CFH: variants seen among roughly 807,000 people sequenced by gnomAD.
CFH encodes the protein complement factor H.
Under a neutral mutation model 147.3 loss-of-function variants are expected in CFH, and 53 were observed. The observed-to-expected ratio is 0.36, with a 90% CI of 0.29 to 0.45. The LOEUF (loss-of-function observed/expected upper bound fraction) is 0.45, where lower values mean the gene tolerates loss of function less well. CFH is among the 20% of genes least tolerant of loss of function. The pLI, the probability that CFH is intolerant of heterozygous loss-of-function variation, is 1.00. For missense variants in CFH, 1,380 were observed against 1,498.0 expected, an observed-to-expected ratio of 0.92 and a Z score of 1.30; for synonymous variants, 536 against 489.4, an observed-to-expected ratio of 1.10 and a Z score of -1.26.
At position 196,713,822 on chromosome 1, in the gene CFH, A is replaced by T; in HGVS notation, c.1424A>T (p.Tyr475Phe). ...TATGCCTTAAAAGAAAAAGCGAAAT[A>T]TCAATGCAAACTAGGATATGTAACA... The part of the protein sequence containing the change: ...YTYALKEKAK[Y>F]QCKLGYVTAD... Residue 475 changes from tyrosine to phenylalanine, a missense_variant, in exon 10 of 22, where the codon TAT (tyrosine) becomes TTT (phenylalanine). By Grantham distance (22) the Tyr-to-Phe change is conservative (BLOSUM62 3). Coordinates refer to ENST00000367429, the MANE Select transcript of CFH (RefSeq NM_000186.4). The T allele has an allele frequency of 2.5e-6, 4 of 1,612,270 alleles. 1 individual carries two copies. In the South Asian group the frequency reaches 4.4e-5, roughly 18 times the overall value.
At chr1:196,706,325 C>T (rs1668587582) in intron 9 of CFH, among the ~76,000 whole-genome samples, 1 of 152,004 alleles carries the variant, frequency 6.6e-6, no homozygotes, top group Non-Finnish European at 1.5e-5. Context: ...CTTAGCCTGA[C>T]TAAAGGCAGT....
chr1:196,725,386 C>T, intron 12 of CFH, 89 bp downstream of exon 12: 2 of 1,250,188 alleles, frequency 1.6e-6, no homozygotes, highest in Non-Finnish European at 1.2e-6. Flanking sequence ...GCTCCCATTG[C>T]CTGTAATCTA....
chr1:196,723,299 G>A (rs1187691559), intron 11 of CFH, among the ~76,000 whole-genome samples: 1 of 152,012 alleles, frequency 6.6e-6, no homozygotes, highest in Non-Finnish European at 1.5e-5. Context: ...ATTTGGTTTA[G>A]GTTCTGGGTT....
At chr1:196,675,295 C>T (rs1417694937) in intron 3 of CFH, among the ~76,000 whole-genome samples, 1 of 152,104 alleles carries the variant, frequency 6.6e-6, no homozygotes, top group African/African-American at 2.4e-5. Flanking sequence ...ACTAAAATTA[C>T]TTAAGTTCAA....
chr1:196,677,367 T>G (rs1667490976), intron 4 of CFH, 109 bp from the exon 5 acceptor site: 1 of 1,002,568 alleles, frequency 1.0e-6, no homozygotes, highest in Non-Finnish European at 1.5e-6. Flanking sequence ...TAAAAATAAT[T>G]TAAGTAATTT....
At chr1:196,721,242 A>G (rs115229736) in intron 11 of CFH, among the ~76,000 whole-genome samples, 1,999 of 151,528 alleles carry the variant, frequency 0.013, 47 homozygotes, top group African/African-American at 0.046. Flanking sequence ...ATTTTCTTCC[A>G]TTCTGAGGTT....
intron 21 of CFH, among the ~76,000 whole-genome samples, chr1:196,746,395 G>A (rs1414646614): frequency 2.0e-5 from 3 of 152,330 alleles, no homozygotes; most frequent in East Asian, 3.9e-4. Context: ...AGGTTGCAGT[G>A]AGCCGAGTTC....
chr1:196,684,308 T>C (rs1267960456), intron 6 of CFH, among the ~76,000 whole-genome samples: 3 of 152,032 alleles, frequency 2.0e-5, no homozygotes, highest in African/African-American at 7.2e-5. Context: ...ACATTTTATC[T>C]GGCCCTTTAC....
chr1:196,710,796 C>G (rs1456365649), intron 9 of CFH, among the ~76,000 whole-genome samples: 1 of 151,682 alleles, frequency 6.6e-6, no homozygotes, highest in Non-Finnish European at 1.5e-5. Flanking sequence ...TTATTTTAAG[C>G]ATACAGATCC....
chr1:196,699,224 T>G (rs1346484761), intron 9 of CFH, among the ~76,000 whole-genome samples: 1 of 95,904 alleles, frequency 1.0e-5, no homozygotes, highest in African/African-American at 3.8e-5. Flanking sequence ...GCCTTTGAGA[T>G]AATGTGTTTT....
chr1:196,665,312 T>G (rs1366594844), intron 1 of CFH, among the ~76,000 whole-genome samples: 1 of 150,996 alleles, frequency 6.6e-6, no homozygotes, highest in Non-Finnish European at 1.5e-5. Flanking sequence ...AATTGCTTTA[T>G]GCATTAAGCC....
intron 5 of CFH, chr1:196,679,382 CTA>C (rs1035297048): frequency 2.5e-5 from 9 of 361,590 alleles, no homozygotes; most frequent in African/African-American, 4.2e-5. Flanking sequence ...TTACTGGTCA[CTA>C]TTTATTTCAA....
chr1:196,675,973 A>AT lies in CFH; in HGVS notation c.351-10dup, dbSNP rs1247898221. On this transcript the variant is annotated splice_polypyrimidine_tract_variant and intron_variant, in intron 3 of 21. Transcript: ENST00000367429. ...ACACACATTATGTCAACGTTCTGTT[A>AT]TTTTTTGGTTTTCAGGTATCAATTG... 1.9e-6 allele frequency: 3 copies of AT among 1,572,170 alleles called. No homozygotes were observed. Among genetic ancestry groups the AT allele is most frequent in the South Asian group, 1.1e-5 (1 of 89,912 alleles).
chr1:196,701,714 C>A, intron 9 of CFH: 1 of 235,068 alleles, frequency 4.3e-6, no homozygotes, highest in Non-Finnish European at 8.4e-6. Context: ...CTGGGACAGA[C>A]CCAGAGACAA....
At chr1:196,678,487 G>A (rs888435117) in intron 5 of CFH, 4 of 151,800 alleles carry the variant, frequency 2.6e-5, no homozygotes, top group African/African-American at 9.7e-5. Flanking sequence ...TACTATTAAA[G>A]TCTGTTATAT....
intron 8 of CFH, 36 bp from the exon 9 acceptor site, chr1:196,690,027 T>A (rs777385025): frequency 6.4e-7 from 1 of 1,558,246 alleles, no homozygotes; most frequent in South Asian, 1.1e-5. Flanking sequence ...ATGTTTCTCA[T>A]TTACTTTATT....
intron 19 of CFH, among the ~76,000 whole-genome samples, chr1:196,742,330 C>T (rs35496304): frequency 0.014 from 2,191 of 152,156 alleles, 56 homozygotes; most frequent in African/African-American, 0.049. Flanking sequence ...GGGCCAAGAT[C>T]GTGCCACTGC....
At chr1:196,714,863 C>A (rs1485382824) in intron 10 of CFH, among the ~76,000 whole-genome samples, 1 of 150,214 alleles carries the variant, frequency 6.7e-6, no homozygotes, top group Non-Finnish European at 1.5e-5. Context: ...ATCATGCCTG[C>A]CTAATTTTCG....
chr1:196,668,546 AG>A (rs1667173699), intron 1 of CFH, among the ~76,000 whole-genome samples: 1 of 152,138 alleles, frequency 6.6e-6, no homozygotes, highest in African/African-American at 2.4e-5. Context: ...ATGTCAAGGG[AG>A]GAACTCAGTG....
Sources: allele counts gnomAD v4.1 joint callset (sites outside exome capture counted in the v4.1 genomes callset), GRCh38; gene constraint gnomAD v4.1.1; transcripts MANE v1.5; gene names NCBI Gene and HGNC (gene_info 2026-07-23, HGNC 2026-07-21).